Variants in NCL observed in about 807,000 individuals in gnomAD.
The protein encoded by NCL is nucleolin multifunctional protein.
In NCL, 4 loss-of-function variants were observed where a neutral mutation model predicts 77.7. That is an observed-to-expected ratio of 0.05 (90% CI 0.03 to 0.12). The LOEUF (loss-of-function observed/expected upper bound fraction) is 0.12, where lower values mean the gene tolerates loss of function less well. Among genes scored for constraint, NCL ranks in the 10% least tolerant of loss-of-function variants. NCL has a pLI of 1.00. For missense variants in NCL, 763 were observed against 860.9 expected, an observed-to-expected ratio of 0.89 and a Z score of 1.42; for synonymous variants, 344 against 297.8, an observed-to-expected ratio of 1.16 and a Z score of -1.60.
chr2:231,460,315 C>T, intron 5 of NCL, 22 bp from the exon 6 acceptor site: 1 of 1,613,968 alleles, frequency 6.2e-7, no homozygotes, highest in Non-Finnish European at 8.5e-7. Flanking sequence ...AAGCTCAACT[C>T]AGTCTACTTG....
At chr2:231,464,025 G>A (rs777090786) in intron 1 of NCL, 1 of 950,552 alleles carries the variant, frequency 1.1e-6, no homozygotes, top group South Asian at 2.8e-5. Flanking sequence ...GTCAGGAGTC[G>A]AGTCCCAGCT....
rs1553646563 is a variant in NCL at position 231,454,860 on chromosome 2, A to AC, written c.*330dup. On this transcript the variant is annotated 3_prime_UTR_variant, in exon 14 of 14. Transcript: ENST00000322723. Reference sequence around the variant, plus strand: ...CCCCACGAACGCAAAAAAAAAAAAAACAAAAACAAAACAAAAAAAAGAAAC... The same window carrying AC: ...CCCCACGAACGCAAAAAAAAAAAAAACCAAAAACAAAACAAAAAAAAGAAAC... 3.2e-3 allele frequency: 616 copies of AC among 193,442 alleles called. 3 individuals are homozygous for AC. Among genetic ancestry groups the AC allele is most frequent in the African/African-American group, 0.014 (599 of 42,744 alleles). 12.0% of individuals were successfully genotyped at this position (193,442 alleles called of 1,614,324 possible). A position where few individuals can be genotyped will look rare whatever the true frequency, so the allele number is the denominator to read the frequency against.
chr2:231,462,912 C>G, intron 2 of NCL: 1 of 366,866 alleles, frequency 2.7e-6, no homozygotes, highest in South Asian at 2.7e-5. Context: ...GGGGGTGAGG[C>G]TAACATGTTG....
intron 1 of NCL, 178 bp downstream of exon 1, chr2:231,464,158 A>G (rs1575265102): frequency 1.4e-6 from 2 of 1,413,640 alleles, no homozygotes; most frequent in South Asian, 1.4e-5. Flanking sequence ...GAAGCTCTTC[A>G]CCTCGCCACC....
rs150288890 is a variant in NCL at position 231,457,066 on chromosome 2, A to T, written c.1506T>A (p.Leu502=). Reference sequence around the variant, plus strand: ...AAGTTGCTTTCTCAAATACTTCCTGAAGAGTTTCTTCTGTTGCACTGTAGG... The same window carrying T: ...AAGTTGCTTTCTCAAATACTTCCTGTAGAGTTTCTTCTGTTGCACTGTAGG... ...NLSYSATEET[L]QEVFEKATFI... The change falls in exon 10 of 14, where the codon CTT becomes CTA. Residue 502 remains leucine (L), a synonymous_variant. Transcript: ENST00000322723. The T allele has an allele frequency of 8.7e-6, 14 of 1,614,104 alleles. No homozygotes were observed. In the African/African-American group the frequency reaches 1.9e-4, roughly 22 times the overall value.
In NCL at chr2:231,454,613, A is replaced by C. The variant is rs1182994519; in HGVS notation, c.*578T>G. 6.5e-6 allele frequency: 1 copy of C among 153,136 alleles called. No homozygotes were observed. The highest frequency in any genetic ancestry group is 1.5e-5 in the Non-Finnish European group (1 of 68,780). The allele number at this position is 153,136 out of a possible 1,614,324, so 9.5% of individuals were successfully genotyped here. ...AGGTCCCCTCACCAGCATTTCAACC[A>C]AGTTAGTTAGGGCTGGGATACTGGA... On this transcript the variant is annotated 3_prime_UTR_variant, in exon 14 of 14. Transcript: ENST00000322723.
intron 1 of NCL, 121 bp from the exon 2 acceptor site, chr2:231,463,437 A>G (rs1018925673): frequency 5.3e-6 from 4 of 749,150 alleles, no homozygotes; most frequent in Non-Finnish European, 9.5e-6. Flanking sequence ...ATAGTGCCAA[A>G]CACCACAACT....
At chr2:231,456,953 C>G (rs1211388016) in intron 10 of NCL, 48 bp downstream of exon 10, 5 of 1,603,604 alleles carry the variant, frequency 3.1e-6, no homozygotes, top group Admixed American at 1.7e-5. Flanking sequence ...CTTTAGACCT[C>G]TAAGACATAT....
chr2:231,456,826 T>C, intron 10 of NCL, 62 bp from the exon 11 acceptor site: 2 of 1,601,430 alleles, frequency 1.2e-6, no homozygotes, highest in East Asian at 2.2e-5. Context: ...CACTGTCACA[T>C]GATGCTGCCA....
In NCL at chr2:231,455,187, G is replaced by C. The variant is rs936396364; in HGVS notation, c.*4C>G. On this transcript the variant is annotated 3_prime_UTR_variant, in exon 14 of 14. Transcript: ENST00000322723. ...ATGGAAAAGGGAAAGCAGAGGGACA[G>C]AAGCTATTCAAACTTCGTCTTCTTT... The C allele has an allele frequency of 1.2e-6, 2 of 1,611,440 alleles. No individual in the cohort carries two copies. The highest frequency in any genetic ancestry group is 8.5e-7 in the Non-Finnish European group (1 of 1,177,728).
At chr2:231,463,014 A>G in intron 2 of NCL, 186 bp downstream of exon 2, 1 of 572,720 alleles carries the variant, frequency 1.7e-6, no homozygotes, top group Admixed American at 3.5e-5. Context: ...CTCGTCTTAC[A>G]CTCACATTCA....
intron 12 of NCL, 177 bp downstream of exon 12, chr2:231,455,833 T>A: frequency 8.1e-7 from 1 of 1,234,626 alleles, no homozygotes; most frequent in Non-Finnish European, 1.2e-6. Flanking sequence ...TATACCTCTG[T>A]AAAGACAGAA....
intron 7 of NCL, 89 bp downstream of exon 7, chr2:231,458,912 G>C (rs2046919789): frequency 1.5e-6 from 2 of 1,327,418 alleles, no homozygotes; most frequent in South Asian, 1.9e-5. Flanking sequence ...AAAAAAATAA[G>C]AGGAAACCAA....
chr2:231,461,692 T>C lies in NCL; in HGVS notation c.461A>G (p.Glu154Gly). The change falls in exon 3 of 14, where the codon GAG (glutamate) becomes GGG (glycine). Residue 154 changes from glutamate to glycine, a missense_variant. Glu to Gly is a moderately conservative substitution (Grantham distance 98). This residue lies in a region of NCL where 590 missense variants were observed against 570.5 expected (regional missense o/e 1.03). Coordinates refer to ENST00000322723, the MANE Select transcript of NCL (RefSeq NM_005381.3). Reference sequence around the variant, plus strand: ...GTCCTCGTCATCCTCCTCATCCTCCTCACTGTCATCATCCTCCTCTTCATC... The same window carrying C: ...GTCCTCGTCATCCTCCTCATCCTCCCCACTGTCATCATCCTCCTCTTCATC... Reference protein sequence around the residue: ...DSDEEEDDDSEEDEEDDEDED... With the variant: ...DSDEEEDDDSGEDEEDDEDED... The C allele has an allele frequency of 6.2e-7, 1 of 1,613,696 alleles. No individual in the cohort carries two copies. Among genetic ancestry groups the C allele is most frequent in the Non-Finnish European group, 8.5e-7 (1 of 1,179,566 alleles).
chr2:231,457,087 G>A lies in NCL; in HGVS notation c.1485C>T (p.Tyr495=), dbSNP rs1333508117. ...SKTLVLSNLS[Y]SATEETLQEV... The stretch of plus-strand genomic sequence containing the variant: ...CCTGAAGAGTTTCTTCTGTTGCACT[G>A]TAGGAGAGGTTGCTTAAAACCAGAG... Residue 495 remains tyrosine, a synonymous_variant, in exon 10 of 14, where the codon TAC becomes TAT. Coordinates refer to ENST00000322723, the MANE Select transcript of NCL (RefSeq NM_005381.3). The A allele has an allele frequency of 1.2e-6, 2 of 1,613,974 alleles. No individual in the cohort carries two copies. Among genetic ancestry groups the A allele is most frequent in the South Asian group, 2.2e-5 (2 of 91,040 alleles).
chr2:231,457,489 C>T, intron 9 of NCL, 154 bp downstream of exon 9: 1 of 843,924 alleles, frequency 1.2e-6, no homozygotes, highest in Non-Finnish European at 1.9e-6. Flanking sequence ...ATTACTATTC[C>T]AAATAAGAGT....
chr2:231,459,115 A>G lies in NCL; in HGVS notation c.1051T>C (p.Tyr351His). 2 of 1,575,400 alleles carry G rather than the reference A, an allele frequency of 1.3e-6. No individual in the cohort carries two copies. Among genetic ancestry groups the G allele is most frequent in the Non-Finnish European group, 1.7e-6 (2 of 1,167,030 alleles). ...TCTTCAGCAGATTCAAAATCCACAT[A>G]ACCAAATTTCCTTCAAGGTGGAGAG... ...VRIGMTRKFG[Y>H]VDFESAEDLE... Residue 351 changes from tyrosine (Y) to histidine (H), a missense_variant, in exon 7 of 14, where the codon TAT becomes CAT. Around this residue, in one of 2 missense-constraint regions of NCL, gnomAD observed 590 missense variants for 570.5 expected, o/e 1.03. Transcript: ENST00000322723.
In NCL at chr2:231,457,687, C is replaced by G. The variant is rs775833189; in HGVS notation, c.1403G>C (p.Gly468Ala). Residue 468 changes from glycine to alanine, a missense_variant, in exon 9 of 14, where the codon GGT becomes GCT. Physicochemically the swap from Gly to Ala is moderately conservative, Grantham distance 60. Around this residue, in one of 2 missense-constraint regions of NCL, gnomAD observed 590 missense variants for 570.5 expected, o/e 1.03. Transcript: ENST00000322723. ...TCCACCTCTATAGTCTTGATTTTGA[C>G]CTTTCTCTCCAGTATAGTACAGGGA... ...SISLYYTGEK[G>A]QNQDYRGGKN... is the part of the protein sequence containing the mutation. 6.2e-7 allele frequency: 1 copy of G among 1,611,684 alleles called. No individual in the cohort carries two copies. The highest frequency in any genetic ancestry group is 8.5e-7 in the Non-Finnish European group (1 of 1,178,694).
At chr2:231,456,383 GTGGGGCCCAGTGGA>G in intron 11 of NCL, 1 of 899,528 alleles carries the variant, frequency 1.1e-6, no homozygotes. Flanking sequence ...ACCCAAGCAG[GTGGGGCCCAGTGGA>G]TGGGGCAGGA....
Sources: gnomAD v4.1 joint callset for allele counts on GRCh38, gnomAD v4.1.1 for gene constraint, gnomAD v4.1.1 regional missense constraint, MANE v1.5 for transcripts, NCBI Gene and HGNC (gene_info 2026-07-23, HGNC 2026-07-21) for gene names.